Variants in CERS3 observed in about 807,000 individuals in gnomAD.
CERS3 encodes LAG1 homolog, ceramide synthase 3.
Under a neutral mutation model 50.3 loss-of-function variants are expected in CERS3, and 33 were observed. The ratio of observed to expected loss-of-function variants is 0.66; its 90% CI spans 0.50 to 0.88. CERS3 has a LOEUF of 0.88. Among genes scored for constraint, CERS3 ranks in the 40% least tolerant of loss-of-function variants. CERS3 has a pLI of 0.00. For missense variants in CERS3, 470 were observed against 460.3 expected (o/e 1.02, Z -0.19); for synonymous variants, 176 against 155.2 (o/e 1.13, Z -0.99).
chr15:100,514,326 T>C (rs892419739), intron 2 of CERS3, among the ~76,000 whole-genome samples: 3 of 152,216 alleles, frequency 2.0e-5, no homozygotes, highest in Non-Finnish European at 4.4e-5. Flanking sequence ...TTGACACTTA[T>C]TAAGTTAGAA....
At chr15:100,498,533 C>T (rs1262908899) in intron 3 of CERS3, among the ~76,000 whole-genome samples, 1 of 152,110 alleles carries the variant, frequency 6.6e-6, no homozygotes, top group East Asian at 1.9e-4. Context: ...TGAACATCTG[C>T]TCCCATGTAA....
intron 3 of CERS3, among the ~76,000 whole-genome samples, chr15:100,491,886 T>C (rs1027328480): frequency 2.4e-4 from 21 of 87,946 alleles, no homozygotes; most frequent in African/African-American, 7.0e-4. Flanking sequence ...CTTTCTGTTA[T>C]TGATTTCTTT....
rs528961464 is a variant in CERS3 at position 100,493,412 on chromosome 15, A to C, written c.174-2481T>G. ...GATGCTGATGAGAAATCGATTCCTAATCATAATGAGAATTCCTTGTATGTG... is the reference window on the plus strand; with the variant it reads ...GATGCTGATGAGAAATCGATTCCTACTCATAATGAGAATTCCTTGTATGTG... On this transcript the variant is annotated intron_variant, in intron 3 of 11. Coordinates refer to ENST00000679737, the MANE Select transcript of CERS3 (RefSeq NM_001378789.1). Among the ~76,000 whole-genome samples the C allele has an allele frequency of 5.9e-5, 9 of 152,286 alleles. No homozygotes were observed. The East Asian group carries it at 1.7e-3, about 29-fold the overall frequency.
upstream of CERS3, among the ~76,000 whole-genome samples, chr15:100,532,001 TAGG>T (rs1258331812): frequency 2.6e-5 from 4 of 151,872 alleles, no homozygotes; most frequent in South Asian, 4.2e-4. Flanking sequence ...AGGAGAGGGA[TAGG>T]AGAAGTGTAG....
At chr15:100,483,784 A>ATTTTTTTTTTTTT (rs1335617514) in intron 5 of CERS3, among the ~76,000 whole-genome samples, 16 of 89,414 alleles carry the variant, frequency 1.8e-4, no homozygotes, top group East Asian at 1.6e-3. Flanking sequence ...AATTATTATT[A>ATTTTTTTTTTTTT]TTATTTTTTT....
intron 11 of CERS3, among the ~76,000 whole-genome samples, chr15:100,444,345 G>A (rs977137530): frequency 1.3e-4 from 18 of 142,172 alleles, no homozygotes; most frequent in Non-Finnish European, 2.6e-4. Flanking sequence ...TTCCTGGCCC[G>A]GACTTCAATC....
In CERS3 at chr15:100,402,848, C is replaced by T. The variant is rs2030662031; in HGVS notation, c.1017G>A (p.Arg339=). 2 of 1,604,748 alleles carry T rather than the reference C, an allele frequency of 1.2e-6. No homozygotes were observed. Among genetic ancestry groups the T allele is most frequent in the Non-Finnish European group, 1.7e-6 (2 of 1,174,748 alleles). Residue 339 remains arginine (R), a synonymous_variant, in exon 12 of 12, where the codon AGG becomes AGA. Coordinates refer to ENST00000679737, the MANE Select transcript of CERS3 (RefSeq NM_001378789.1). The part of the protein sequence containing the change: ...CIFMKSIQDV[R]SDDEDYEEEE... ...CCTCTTCATAATCCTCGTCATCACTCCTCACATCCTGGATGCTCTAGACAA... is the reference window on the plus strand; with the variant it reads ...CCTCTTCATAATCCTCGTCATCACTTCTCACATCCTGGATGCTCTAGACAA...
At chr15:100,526,933 T>C (rs1035908759) in intron 1 of CERS3, among the ~76,000 whole-genome samples, 3 of 152,162 alleles carry the variant, frequency 2.0e-5, no homozygotes, top group African/African-American at 4.8e-5. Context: ...TTATGTCTTA[T>C]AATAAACAAC....
chr15:100,541,329 G>T (rs112174886), intron 1 of CERS3, among the ~76,000 whole-genome samples: 1 of 152,126 alleles, frequency 6.6e-6, no homozygotes, highest in African/African-American at 2.4e-5. Flanking sequence ...AAAATTAGCC[G>T]GGCGTGATGG....
At chr15:100,490,190 A>G (rs2035609838) in intron 4 of CERS3, among the ~76,000 whole-genome samples, 1 of 152,160 alleles carries the variant, frequency 6.6e-6, no homozygotes, top group Admixed American at 6.6e-5. Context: ...TTTTTTAACT[A>G]TTAGATTAAA....
At chr15:100,449,823 G>A (rs2034087320) in intron 11 of CERS3, among the ~76,000 whole-genome samples, 1 of 150,522 alleles carries the variant, frequency 6.6e-6, no homozygotes, top group African/African-American at 2.4e-5. Context: ...TAAGGACACG[G>A]AAACATAAAA....
Position 100,469,423 on chromosome 15 carries a change from A to G in CERS3, c.800T>C (p.Phe267Ser), listed in dbSNP as rs1402384316. 3.7e-6 allele frequency: 6 copies of G among 1,613,994 alleles called. No individual in the cohort carries two copies. Among genetic ancestry groups the G allele is most frequent in the Non-Finnish European group, 5.1e-6 (6 of 1,179,972 alleles). ...TQTCNTLFFIFSTIFFISRLI... is the reference protein window; with the variant it reads ...TQTCNTLFFISSTIFFISRLI... Reference sequence around the variant, plus strand: ...GCGGCTGATGAAAAATATGGTGGAGAAGATGAAAAACAGGGTGTTACAGGT... The same window carrying G: ...GCGGCTGATGAAAAATATGGTGGAGGAGATGAAAAACAGGGTGTTACAGGT... The change falls in exon 10 of 12, where the codon TTC becomes TCC. Residue 267 changes from phenylalanine (F) to serine (S), a missense_variant. By Grantham distance (155) the Phe-to-Ser change is radical. Transcript: ENST00000679737.
At chr15:100,500,923 A>G (rs1442085155) in intron 3 of CERS3, among the ~76,000 whole-genome samples, 1 of 152,116 alleles carries the variant, frequency 6.6e-6, no homozygotes, top group Non-Finnish European at 1.5e-5. Flanking sequence ...AGTTTTTCCA[A>G]CTCTTGACAT....
chr15:100,463,995 T>C (rs1245812119), intron 10 of CERS3, among the ~76,000 whole-genome samples: 1 of 152,188 alleles, frequency 6.6e-6, no homozygotes, highest in Non-Finnish European at 1.5e-5. Flanking sequence ...TCTCTGTTTT[T>C]TAAAACTCTC....
rs551838426 is a variant in CERS3 at position 100,417,129 on chromosome 15, G to A, written c.1000-14264C>T. 4.7e-3 allele frequency among the ~76,000 whole-genome samples: 717 copies of A among 152,142 alleles called. 7 individuals are homozygous for A. The highest frequency in any genetic ancestry group is 0.016 in the African/African-American group (681 of 41,418). On this transcript the variant is annotated intron_variant, in intron 11 of 11. Coordinates refer to ENST00000679737, the MANE Select transcript of CERS3 (RefSeq NM_001378789.1). ...CTGGTCTACAGCTCCCAGCGTGAGCGACGCAGAAGATGGGTGATTTCTGCA... is the reference window on the plus strand; with the variant it reads ...CTGGTCTACAGCTCCCAGCGTGAGCAACGCAGAAGATGGGTGATTTCTGCA...
intron 11 of CERS3, among the ~76,000 whole-genome samples, chr15:100,406,831 A>G (rs1026374256): frequency 6.6e-6 from 1 of 152,232 alleles, no homozygotes; most frequent in Admixed American, 6.5e-5. Flanking sequence ...ACTGGGAAGA[A>G]AAAAAGGTTT....
intron 11 of CERS3, among the ~76,000 whole-genome samples, chr15:100,418,256 A>C (rs535844429): frequency 6.6e-6 from 1 of 152,258 alleles, no homozygotes; most frequent in South Asian, 2.1e-4. Context: ...GGAGCTGAAA[A>C]CCAAGGCCCG....
chr15:100,485,524 G>A (rs1327922517), intron 4 of CERS3, among the ~76,000 whole-genome samples: 1 of 152,132 alleles, frequency 6.6e-6, no homozygotes, highest in African/African-American at 2.4e-5. Flanking sequence ...CGTCTACAAA[G>A]AAATATGCTC....
Position 100,402,638 on chromosome 15 carries a change from G to A in CERS3, c.*75C>T, listed in dbSNP as rs1023782. 6 of 1,440,796 alleles carry A rather than the reference G, an allele frequency of 4.2e-6. No individual in the cohort carries two copies. Among genetic ancestry groups the A allele is most frequent in the Middle Eastern group, 2.4e-4 (1 of 4,202 alleles). 89.3% of individuals were successfully genotyped at this position (1,440,796 alleles called of 1,614,324 possible). A position where few individuals can be genotyped will look rare whatever the true frequency, so the allele number is the denominator to read the frequency against. ...AGAGGGAAGGGCAGAATGTGGGGTC[G>A]GTGTGGGGCCTGGAAGCCAGGCTGC... On this transcript the variant is annotated 3_prime_UTR_variant, in exon 12 of 12. Coordinates refer to ENST00000679737, the MANE Select transcript of CERS3 (RefSeq NM_001378789.1).
Sources: allele counts gnomAD v4.1 joint callset (sites outside exome capture counted in the v4.1 genomes callset), GRCh38; gene constraint gnomAD v4.1.1; transcripts MANE v1.5; gene names NCBI Gene and HGNC (gene_info 2026-07-23, HGNC 2026-07-21).